CUL3: variants seen among roughly 807,000 people sequenced by gnomAD.
The protein encoded by CUL3 is cullin-3.
In CUL3, 19 loss-of-function variants were observed where a neutral mutation model predicts 89.1. The ratio of observed to expected loss-of-function variants is 0.21; its 90% confidence interval spans 0.15 to 0.31. The LOEUF (loss-of-function observed/expected upper bound fraction) is 0.31, where lower values mean the gene tolerates loss of function less well. Among genes scored for constraint, CUL3 ranks in the 10% least tolerant of loss-of-function variants. The pLI is 1.00. For synonymous variants in CUL3, 351 were observed against 308.4 expected (o/e 1.14, Z -1.45); for missense variants, 469 against 942.3 (o/e 0.50, Z 6.58).
chr2:224,536,649 C>T (rs954657043), intron 2 of CUL3, among the ~76,000 whole-genome samples: 2 of 152,182 alleles, frequency 1.3e-5, no homozygotes, highest in African/African-American at 4.8e-5. Context: ...CCTGCTTTTG[C>T]ACATAAAGTT....
At chr2:224,509,219 C>A (rs1424010042) in intron 6 of CUL3, among the ~76,000 whole-genome samples, 1 of 151,954 alleles carries the variant, frequency 6.6e-6, no homozygotes, top group Admixed American at 6.6e-5. Context: ...AACCCCCCCA[C>A]CTTTTTTTTC....
Position 224,513,602 on chromosome 2 carries a change from A to G in CUL3, c.576T>C (p.Ile192=). ...AGACTGATCTTCCTTCGAGACCTAA[A>G]ATCATTAACATCTGGCAAGCATTTC... ...AIRNACQMLM[I]LGLEGRSVYE... The change falls in exon 5 of 16, where the codon ATT becomes ATC. Residue 192 remains isoleucine (I), a synonymous_variant. Coordinates refer to ENST00000264414, the MANE Select transcript of CUL3 (RefSeq NM_003590.5). 2 of 1,603,146 alleles carry G rather than the reference A, an allele frequency of 1.2e-6. No individual in the cohort carries two copies. The highest frequency in any genetic ancestry group is 3.3e-4 in the Middle Eastern group (2 of 6,020).
At chr2:224,486,357 C>A (rs1187118635) in intron 13 of CUL3, among the ~76,000 whole-genome samples, 1 of 152,152 alleles carries the variant, frequency 6.6e-6, no homozygotes. Flanking sequence ...AGCTAAGAAG[C>A]TAAGAACCTG....
intron 2 of CUL3, among the ~76,000 whole-genome samples, chr2:224,537,421 A>G (rs1436718241): frequency 3.9e-5 from 6 of 152,198 alleles, no homozygotes; most frequent in African/African-American, 1.4e-4. Flanking sequence ...CACAAGACTA[A>G]GCTCCATGAC....
intron 14 of CUL3, chr2:224,480,087 T>C (rs1691476853): frequency 7.0e-6 from 1 of 143,878 alleles, no homozygotes; most frequent in Admixed American, 7.4e-5. Flanking sequence ...GGGGATGGAA[T>C]TTGAGAAAGG....
chr2:224,557,197 A>C (rs1694740029), intron 2 of CUL3, among the ~76,000 whole-genome samples: 1 of 152,150 alleles, frequency 6.6e-6, no homozygotes, highest in South Asian at 2.1e-4. Context: ...CCCAACAATA[A>C]TTTATCTTTA....
chr2:224,571,101 T>TTG (rs1472294391), intron 1 of CUL3, among the ~76,000 whole-genome samples: 1 of 152,202 alleles, frequency 6.6e-6, no homozygotes, highest in Non-Finnish European at 1.5e-5. Flanking sequence ...GGTAAAAAGC[T>TTG]TGTCACTGTC....
At chr2:224,548,276 C>T (rs1244219975) in intron 2 of CUL3, among the ~76,000 whole-genome samples, 2 of 152,184 alleles carry the variant, frequency 1.3e-5, no homozygotes, top group Non-Finnish European at 2.9e-5. Context: ...AGTACAAATG[C>T]TCACACCAGA....
intron 3 of CUL3, among the ~76,000 whole-genome samples, chr2:224,529,991 C>A (rs1011262356): frequency 2.0e-5 from 3 of 152,022 alleles, no homozygotes; most frequent in African/African-American, 7.3e-5. Context: ...GTAATTCTAG[C>A]ACTTTGGGAG....
At chr2:224,523,448 G>C (rs1472879481) in intron 3 of CUL3, among the ~76,000 whole-genome samples, 1 of 150,512 alleles carries the variant, frequency 6.6e-6, no homozygotes, top group Non-Finnish European at 1.5e-5. Flanking sequence ...AAAAATTAGA[G>C]CTCTCGTGCA....
intron 3 of CUL3, among the ~76,000 whole-genome samples, chr2:224,525,078 A>C (rs546272940): frequency 6.6e-6 from 1 of 152,196 alleles, no homozygotes; most frequent in Admixed American, 6.5e-5. Flanking sequence ...AAAACAGGAC[A>C]GTAAATTTAA....
intron 13 of CUL3, among the ~76,000 whole-genome samples, chr2:224,492,123 A>G (rs1692006769): frequency 6.6e-6 from 1 of 152,210 alleles, no homozygotes; most frequent in Admixed American, 6.5e-5. Flanking sequence ...CAAAAAAATT[A>G]TGCTAGCCTC....
At chr2:224,517,568 G>A (rs1291413255) in intron 3 of CUL3, among the ~76,000 whole-genome samples, 4 of 152,200 alleles carry the variant, frequency 2.6e-5, no homozygotes, top group African/African-American at 9.6e-5. Context: ...AGCTACTCGG[G>A]AGGCTGAGGC....
At chr2:224,510,075 T>C (rs568816245) in intron 6 of CUL3, among the ~76,000 whole-genome samples, 1 of 152,288 alleles carries the variant, frequency 6.6e-6, no homozygotes, top group East Asian at 1.9e-4. Context: ...AAACACAGGA[T>C]TATTCATTTG....
chr2:224,477,067 A>AT (rs1289455286), intron 15 of CUL3, among the ~76,000 whole-genome samples: 1 of 147,584 alleles, frequency 6.8e-6, no homozygotes, highest in African/African-American at 2.6e-5. Flanking sequence ...TTTTTCCATG[A>AT]TTTTTTATAT....
At chr2:224,477,910 A>T (rs1691383125) in intron 15 of CUL3, among the ~76,000 whole-genome samples, 1 of 152,236 alleles carries the variant, frequency 6.6e-6, no homozygotes, top group Admixed American at 6.5e-5. Context: ...TTAGAAGTAA[A>T]GGGAGTTTGT....
chr2:224,525,066 A>G (rs907832984), intron 3 of CUL3, among the ~76,000 whole-genome samples: 6 of 152,134 alleles, frequency 3.9e-5, no homozygotes, highest in African/African-American at 1.4e-4. Flanking sequence ...AGACAGAAAA[A>G]AAAAACAGGA....
intron 3 of CUL3, among the ~76,000 whole-genome samples, chr2:224,524,458 G>A (rs772513828): frequency 3.3e-5 from 5 of 151,880 alleles, no homozygotes; most frequent in Non-Finnish European, 5.9e-5. Flanking sequence ...GGAGGCTGAA[G>A]ATCTGTGCTG....
chr2:224,566,795 A>G (rs1286242734), intron 1 of CUL3, among the ~76,000 whole-genome samples: 1 of 152,234 alleles, frequency 6.6e-6, no homozygotes, highest in Non-Finnish European at 1.5e-5. Flanking sequence ...CTTTTCTTAC[A>G]GCAATCCTGC....
Sources: gnomAD v4.1 joint callset for allele counts (sites outside exome capture counted in the v4.1 genomes callset) on GRCh38, gnomAD v4.1.1 for gene constraint, MANE v1.5 for transcripts, NCBI Gene and HGNC (gene_info 2026-07-23, HGNC 2026-07-21) for gene names.